The following ARHGEF12 variants were observed in gnomAD, a reference collection of about 807,000 sequenced individuals.
ARHGEF12 encodes Rho guanine nucleotide exchange factor 12.
A neutral mutation model predicts 211.2 loss-of-function variants in ARHGEF12; 66 were observed. The observed-to-expected ratio is 0.31, with a 90% CI of 0.26 to 0.38. The LOEUF (loss-of-function observed/expected upper bound fraction) is 0.38, where lower values mean the gene tolerates loss of function less well. ARHGEF12 is among the 10% of genes least tolerant of loss of function. ARHGEF12 has a pLI of 1.00. For synonymous variants in ARHGEF12, 592 were observed against 638.4 expected (o/e 0.93, Z 1.09); for missense variants, 1,429 against 1,869.5 (o/e 0.76, Z 4.34).
intron 1 of ARHGEF12, among the ~76,000 whole-genome samples, chr11:120,377,770 TG>T (rs1172579504): frequency 6.6e-6 from 1 of 152,206 alleles, no homozygotes; most frequent in Non-Finnish European, 1.5e-5. Context: ...ATTGACCTGT[TG>T]GTGGAGGTTT....
intron 1 of ARHGEF12, among the ~76,000 whole-genome samples, chr11:120,342,464 C>G (rs1322634368): frequency 2.0e-5 from 3 of 152,148 alleles, no homozygotes; most frequent in Non-Finnish European, 4.4e-5. Context: ...CTAAATGTTT[C>G]AGACGGTTAT....
intron 30 of ARHGEF12, 23 bp downstream of exon 30, chr11:120,469,411 T>TA (rs1195202311): frequency 2.6e-6 from 4 of 1,557,666 alleles, no homozygotes; most frequent in Non-Finnish European, 3.5e-6. Flanking sequence ...AACAAGAAGG[T>TA]ACAGGATGAC....
intron 1 of ARHGEF12, among the ~76,000 whole-genome samples, chr11:120,367,213 T>G (rs1440913292): frequency 6.6e-6 from 1 of 152,092 alleles, no homozygotes. Flanking sequence ...AATTGTGGTT[T>G]GTGAATAGTT....
At chr11:120,347,153 TTCC>T (rs1942766884) in intron 1 of ARHGEF12, among the ~76,000 whole-genome samples, 1 of 49,010 alleles carries the variant, frequency 2.0e-5, no homozygotes, top group Non-Finnish European at 3.6e-5. Flanking sequence ...CCTTCCTTCC[TTCC>T]TTCCTTCCTT....
At position 120,486,224 on chromosome 11, in the gene ARHGEF12, A is replaced by T. The variant is rs1436497594; in HGVS notation, c.*1147A>T. 4.3e-6 allele frequency: 1 copy of T among 233,250 alleles called. No homozygotes were observed. Among genetic ancestry groups the T allele is most frequent in the African/African-American group, 2.2e-5 (1 of 45,322 alleles). 14.4% of individuals were successfully genotyped at this position (233,250 alleles called of 1,614,324 possible). On this transcript the variant is annotated 3_prime_UTR_variant, in exon 41 of 41. Coordinates refer to ENST00000397843, the MANE Select transcript of ARHGEF12 (RefSeq NM_015313.3). ...TTTTAGTACCTGGAGGTTTGACTCT[A>T]ATTTTTGCACTGATGGTGCCAAAGG...
chr11:120,445,743 A>G (rs1430357692), intron 16 of ARHGEF12, among the ~76,000 whole-genome samples: 2 of 152,116 alleles, frequency 1.3e-5, no homozygotes, highest in Non-Finnish European at 2.9e-5. Flanking sequence ...TACTGAAAAT[A>G]CAAAAATGAG....
intron 4 of ARHGEF12, among the ~76,000 whole-genome samples, chr11:120,413,046 T>G (rs1944933454): frequency 6.6e-6 from 1 of 152,252 alleles, no homozygotes; most frequent in Admixed American, 6.5e-5. Context: ...TATTCTGCCT[T>G]GACTTGTCAG....
At chr11:120,371,206 G>A (rs1384492673) in intron 1 of ARHGEF12, among the ~76,000 whole-genome samples, 1 of 152,050 alleles carries the variant, frequency 6.6e-6, no homozygotes, top group African/African-American at 2.4e-5. Context: ...TGTATCTTTA[G>A]GGCTGGGTGC....
intron 33 of ARHGEF12, chr11:120,476,006 A>G (rs1947017154): frequency 6.5e-6 from 1 of 152,958 alleles, no homozygotes; most frequent in African/African-American, 2.4e-5. Context: ...CTAACAACTT[A>G]GCAAAAGTGC....
intron 1 of ARHGEF12, among the ~76,000 whole-genome samples, chr11:120,342,979 C>T (rs1011779211): frequency 1.3e-5 from 2 of 152,052 alleles, no homozygotes; most frequent in Non-Finnish European, 2.9e-5. Context: ...TCAAAACATT[C>T]CTCGATGTTT....
chr11:120,472,710 A>G (rs1565509066), intron 30 of ARHGEF12, among the ~76,000 whole-genome samples: 2 of 151,770 alleles, frequency 1.3e-5, no homozygotes, highest in South Asian at 4.2e-4. Flanking sequence ...GCTGGAGTGC[A>G]GTGGCGTGAT....
intron 27 of ARHGEF12, chr11:120,462,503 A>G (rs934098765): frequency 1.3e-5 from 2 of 152,192 alleles, no homozygotes; most frequent in Non-Finnish European, 2.9e-5. Flanking sequence ...GTTTTGGAAA[A>G]ACGGCACCAA....
At chr11:120,403,430 C>G (rs948869513) in intron 1 of ARHGEF12, among the ~76,000 whole-genome samples, 2 of 151,898 alleles carry the variant, frequency 1.3e-5, no homozygotes, top group Non-Finnish European at 2.9e-5. Flanking sequence ...GTGTTTGAAC[C>G]CGGGAGGTGG....
intron 1 of ARHGEF12, among the ~76,000 whole-genome samples, chr11:120,378,050 G>C (rs1185512899): frequency 6.6e-6 from 1 of 152,096 alleles, no homozygotes. Context: ...ACAGGCATGA[G>C]CCACCACACC....
At chr11:120,343,381 A>G (rs148911820) in intron 1 of ARHGEF12, among the ~76,000 whole-genome samples, 10 of 152,372 alleles carry the variant, frequency 6.6e-5, no homozygotes, top group Admixed American at 5.9e-4. Flanking sequence ...AATATCTGGA[A>G]TCATCAAGAT....
At chr11:120,396,222 C>T (rs1424540114) in intron 1 of ARHGEF12, among the ~76,000 whole-genome samples, 33 of 152,000 alleles carry the variant, frequency 2.2e-4, no homozygotes, top group Non-Finnish European at 5.9e-5. Flanking sequence ...ATACATGAGC[C>T]CATACTGATA....
In ARHGEF12 at chr11:120,480,366, G is replaced by A. The variant is rs749829710; in HGVS notation, c.4173G>A (p.Glu1391=). 3 of 1,614,090 alleles carry A rather than the reference G, an allele frequency of 1.9e-6. No individual in the cohort carries two copies. Among genetic ancestry groups the A allele is most frequent in the Non-Finnish European group, 2.5e-6 (3 of 1,180,044 alleles). ...FFDAREAHSD[E]NPSEGDGAVN... is the part of the protein sequence containing the mutation. ...ATGCCCGTGAAGCACATAGTGATGA[G>A]AATCCATCAGAAGGTGATGGAGCAG... The change falls in exon 38 of 41, where the codon GAG becomes GAA. Residue 1391 remains glutamate (E), a synonymous_variant. Transcript: ENST00000397843.
intron 1 of ARHGEF12, among the ~76,000 whole-genome samples, chr11:120,362,289 T>C (rs1263060674): frequency 2.8e-4 from 43 of 152,206 alleles, no homozygotes. Flanking sequence ...AGCAATACTT[T>C]GGATACTAAG....
chr11:120,447,162 T>C, intron 18 of ARHGEF12, 77 bp downstream of exon 18: 3 of 1,481,028 alleles, frequency 2.0e-6, no homozygotes, highest in Non-Finnish European at 9.0e-7. Context: ...TTTGGGTAGG[T>C]TTAGAAAAAC....
Sources: allele counts gnomAD v4.1 joint callset (sites outside exome capture counted in the v4.1 genomes callset), GRCh38; gene constraint gnomAD v4.1.1; transcripts MANE v1.5; gene names NCBI Gene and HGNC (gene_info 2026-07-23, HGNC 2026-07-21).